The following CPVL variants were observed in gnomAD, a reference collection of about 807,000 sequenced individuals.
CPVL encodes the protein carboxypeptidase vitellogenic like, also known as probable serine carboxypeptidase CPVL.
In CPVL, 51 loss-of-function variants were observed where a neutral mutation model predicts 63.7. The ratio of observed to expected loss-of-function variants is 0.80; its 90% CI spans 0.64 to 1.01. The LOEUF is 1.01. CPVL is among the 50% of genes least tolerant of loss of function. The pLI, the probability that CPVL is intolerant of heterozygous loss-of-function variation, is 0.00. For missense variants in CPVL, 530 were observed against 573.1 expected, an observed-to-expected ratio of 0.92 and a Z score of 0.77; for synonymous variants, 195 against 206.0, an observed-to-expected ratio of 0.95 and a Z score of 0.46.
intron 5 of CPVL, among the ~76,000 whole-genome samples, chr7:29,158,167 T>C (rs1261110302): frequency 6.6e-6 from 1 of 151,878 alleles, no homozygotes; most frequent in Admixed American, 6.6e-5. Flanking sequence ...TTCCTTAGAG[T>C]TGAGTATATT....
chr7:29,142,143 T>C (rs983843468), intron 1 of CPVL, among the ~76,000 whole-genome samples: 3 of 152,254 alleles, frequency 2.0e-5, no homozygotes, highest in Admixed American at 2.0e-4. Flanking sequence ...AGTGCAGATA[T>C]GGTCTTTTAG....
In CPVL at chr7:29,195,001, G is replaced by A. The variant is rs750896966; in HGVS notation, c.-448+76C>T. On this transcript the variant is annotated intron_variant, in intron 1 of 16. Transcript: ENST00000409850. ...CGTCGGTGTCCTCCGGTGAGTTTCAGCCCGTCGGGCGCTGCTGCCGCGCCG... is the reference window on the plus strand; with the variant it reads ...CGTCGGTGTCCTCCGGTGAGTTTCAACCCGTCGGGCGCTGCTGCCGCGCCG... 3.2e-6 allele frequency: 5 copies of A among 1,584,614 alleles called. No individual in the cohort carries two copies. In the South Asian group the frequency reaches 4.6e-5, roughly 14 times the overall value.
chr7:29,106,653 G>C (rs1192718630), intron 3 of CPVL, among the ~76,000 whole-genome samples: 1 of 152,040 alleles, frequency 6.6e-6, no homozygotes, highest in Non-Finnish European at 1.5e-5. Context: ...CAGGGAAGAG[G>C]GTAGAATTGG....
At chr7:29,183,897 A>G (rs1798376317) in intron 4 of CPVL, among the ~76,000 whole-genome samples, 1 of 152,204 alleles carries the variant, frequency 6.6e-6, no homozygotes, top group Non-Finnish European at 1.5e-5. Flanking sequence ...ACAAACAACA[A>G]TTAAAAATGA....
chr7:29,087,423 CAAAAAAAAAAAAA>C (rs56726137), intron 6 of CPVL, among the ~76,000 whole-genome samples: 1 of 71,400 alleles, frequency 1.4e-5, no homozygotes, highest in Non-Finnish European at 3.1e-5. Context: ...GACTCTGTCT[CAAAAAAAAAAAAA>C]AAAAAAAAGA....
At chr7:29,010,663 T>C (rs1326430167) in intron 12 of CPVL, 1 of 152,168 alleles carries the variant, frequency 6.6e-6, no homozygotes, top group African/African-American at 2.4e-5. Flanking sequence ...TCTGAAACTT[T>C]AATACAAAAT....
chr7:29,190,074 G>A (rs1782696764), intron 1 of CPVL, among the ~76,000 whole-genome samples: 1 of 152,210 alleles, frequency 6.6e-6, no homozygotes. Flanking sequence ...AGGAAACAGC[G>A]GGTTTCTCAG....
chr7:29,084,385 G>C (rs987698652), intron 7 of CPVL, among the ~76,000 whole-genome samples: 6 of 152,238 alleles, frequency 3.9e-5, no homozygotes, highest in Admixed American at 3.3e-4. Context: ...CATCATTCAG[G>C]GTTCTGCTCA....
intron 10 of CPVL, among the ~76,000 whole-genome samples, chr7:29,064,797 C>T (rs1047581901): frequency 1.3e-5 from 2 of 151,502 alleles, no homozygotes; most frequent in Non-Finnish European, 2.9e-5. Flanking sequence ...CTCCCCCCTA[C>T]CCCCACCCCA....
chr7:29,030,767 G>T lies in CPVL; in HGVS notation c.1138-8C>A. 6.3e-7 allele frequency: 1 copy of T among 1,593,092 alleles called. No homozygotes were observed. The highest frequency in any genetic ancestry group is 8.5e-7 in the Non-Finnish European group (1 of 1,171,224). On this transcript the variant is annotated splice_polypyrimidine_tract_variant and splice_region_variant and intron_variant, in intron 11 of 12. Transcript: ENST00000265394. ...GCCATTGTAGATCAGAACCTGAAAT[G>T]AAATCAAGCCATCAGCAAATGCAAG...
intron 12 of CPVL, among the ~76,000 whole-genome samples, chr7:29,015,802 T>C (rs1786347662): frequency 6.6e-6 from 1 of 152,104 alleles, no homozygotes; most frequent in Non-Finnish European, 1.5e-5. Flanking sequence ...AGGTCAGAAT[T>C]TGAATTTTCA....
At chr7:29,074,165 C>G (rs1250009306) in intron 7 of CPVL, among the ~76,000 whole-genome samples, 2 of 152,238 alleles carry the variant, frequency 1.3e-5, no homozygotes. Flanking sequence ...AACCTAAACT[C>G]CTTCCAAGCA....
intron 3 of CPVL, among the ~76,000 whole-genome samples, chr7:29,103,170 G>T: frequency 5.0e-5 from 3 of 59,594 alleles, no homozygotes; most frequent in Non-Finnish European, 8.7e-5. Context: ...GAAACAGTAA[G>T]TTAATATACT....
intron 1 of CPVL, among the ~76,000 whole-genome samples, chr7:29,133,856 C>A (rs968058308): frequency 2.0e-5 from 3 of 152,126 alleles, no homozygotes; most frequent in Admixed American, 1.3e-4. Context: ...CTAATTCAAA[C>A]CATACAACTA....
downstream of CPVL, among the ~76,000 whole-genome samples, chr7:28,995,000 A>T (rs1783937778): frequency 6.6e-6 from 1 of 150,912 alleles, no homozygotes; most frequent in South Asian, 2.1e-4. Context: ...GCTTATCTTA[A>T]TTTTTTTTGA....
At position 29,092,660 on chromosome 7, in the gene CPVL, C is replaced by A. The variant is rs1402072948; in HGVS notation, c.505G>T (p.Ala169Ser). ...FSFTDDTHGYAVNEDDVARDL... is the reference protein window; with the variant it reads ...FSFTDDTHGYSVNEDDVARDL... ...CGTGCTACATCGTCCTCATTGACTGCATATCCGTGGGTATCATCAGTAAAA... is the reference window on the plus strand; with the variant it reads ...CGTGCTACATCGTCCTCATTGACTGAATATCCGTGGGTATCATCAGTAAAA... The change falls in exon 6 of 13, where the codon GCA (alanine) becomes TCA (serine). Residue 169 changes from alanine to serine, a missense_variant. Ala to Ser is a moderately conservative substitution (Grantham distance 99). Transcript: ENST00000265394. The A allele has an allele frequency of 6.2e-7, 1 of 1,613,804 alleles. No homozygotes were observed. The highest frequency in any genetic ancestry group is 1.3e-5 in the African/African-American group (1 of 74,920).
chr7:29,043,302 G>T (rs1295752764), intron 11 of CPVL, among the ~76,000 whole-genome samples: 1 of 151,514 alleles, frequency 6.6e-6, no homozygotes, highest in Non-Finnish European at 1.5e-5. Context: ...GGAAAACCTG[G>T]TATCAGTCAG....
At chr7:29,011,675 A>C (rs1372529728) in intron 12 of CPVL, 1 of 151,762 alleles carries the variant, frequency 6.6e-6, no homozygotes, top group Non-Finnish European at 1.5e-5. Context: ...CTTTGCTAGG[A>C]TTGCAAATGA....
chr7:29,176,001 A>G (rs1482096833), intron 5 of CPVL, among the ~76,000 whole-genome samples: 1 of 152,148 alleles, frequency 6.6e-6, no homozygotes, highest in African/African-American at 2.4e-5. Context: ...CCTGACTAAC[A>G]CGGTGAAACC....
Sources: gnomAD v4.1 joint callset for allele counts (sites outside exome capture counted in the v4.1 genomes callset) on GRCh38, gnomAD v4.1.1 for gene constraint, MANE v1.5 for transcripts, NCBI Gene and HGNC (gene_info 2026-07-23, HGNC 2026-07-21) for gene names.